Variants in EXT1 observed in about 807,000 individuals in gnomAD.
EXT1 encodes the protein exostosin glycosyltransferase 1.
In EXT1, 20 loss-of-function variants were observed where a neutral mutation model predicts 82.5. That is an observed-to-expected ratio of 0.24 (90% CI 0.17 to 0.35). EXT1 has a LOEUF of 0.35. Among genes scored for constraint, EXT1 ranks in the 10% least tolerant of loss-of-function variants. The pLI is 1.00. For missense variants in EXT1, 757 were observed against 936.5 expected, an observed-to-expected ratio of 0.81 and a Z score of 2.50; for synonymous variants, 348 against 350.8, an observed-to-expected ratio of 0.99 and a Z score of 0.09.
At chr8:117,945,483 T>C (rs1281827867) in intron 1 of EXT1, among the ~76,000 whole-genome samples, 1 of 152,156 alleles carries the variant, frequency 6.6e-6, no homozygotes, top group Non-Finnish European at 1.5e-5. Flanking sequence ...CCTCTTCCAG[T>C]TGAAGTGCTC....
intron 6 of EXT1, among the ~76,000 whole-genome samples, chr8:117,819,232 A>G (rs1406803099): frequency 6.6e-6 from 1 of 152,212 alleles, no homozygotes; most frequent in Non-Finnish European, 1.5e-5. Context: ...TCCCAATTTT[A>G]TAATTAGTCA....
chr8:117,898,668 G>A (rs1250067711), intron 1 of EXT1, among the ~76,000 whole-genome samples: 2 of 152,102 alleles, frequency 1.3e-5, no homozygotes, highest in Non-Finnish European at 2.9e-5. Flanking sequence ...GTCCTAAAAA[G>A]CACGTGACTG....
intron 1 of EXT1, among the ~76,000 whole-genome samples, chr8:117,847,243 T>C (rs1812377128): frequency 6.6e-6 from 1 of 152,210 alleles, no homozygotes; most frequent in South Asian, 2.1e-4. Context: ...ATGTCCACTT[T>C]AACAAACACA....
intron 1 of EXT1, among the ~76,000 whole-genome samples, chr8:117,961,433 C>T (rs1348857708): frequency 6.6e-6 from 1 of 152,150 alleles, no homozygotes; most frequent in African/African-American, 2.4e-5. Flanking sequence ...TGATCATTGG[C>T]TTGAATATGC....
At chr8:117,875,927 A>G (rs1443257235) in intron 1 of EXT1, among the ~76,000 whole-genome samples, 1 of 152,214 alleles carries the variant, frequency 6.6e-6, no homozygotes, top group Non-Finnish European at 1.5e-5. Flanking sequence ...GAAGAGGGCA[A>G]CTGGCTAGTG....
At chr8:117,995,236 A>G (rs1815512791) in intron 1 of EXT1, among the ~76,000 whole-genome samples, 1 of 152,184 alleles carries the variant, frequency 6.6e-6, no homozygotes, top group African/African-American at 2.4e-5. Flanking sequence ...CTAGCTCAGC[A>G]ACCCAGCAGG....
chr8:117,857,570 TG>T (rs1812587647), intron 1 of EXT1, among the ~76,000 whole-genome samples: 2 of 149,590 alleles, frequency 1.3e-5, no homozygotes, highest in African/African-American at 4.9e-5. Flanking sequence ...GATGGCAGCA[TG>T]CCCCTGTAGT....
rs191481687 is a variant in EXT1 at position 117,863,314 on chromosome 8, G to C, written c.963-26113C>G. Among the ~76,000 whole-genome samples, 90 of 150,660 alleles carry C rather than the reference G, an allele frequency of 6.0e-4. 14 individuals are homozygous for C. Among genetic ancestry groups the C allele is most frequent in the Non-Finnish European group, 1.2e-3 (78 of 67,592 alleles). On this transcript the variant is annotated intron_variant, in intron 1 of 10. Coordinates refer to ENST00000378204, the MANE Select transcript of EXT1 (RefSeq NM_000127.3). The stretch of plus-strand genomic sequence containing the variant: ...ACCCAGACTGGAACGGTAGTGGTCT[G>C]ATTCCAAAGTGCATGCTCTTCACTT...
chr8:118,055,546 T>C (rs923034911), intron 1 of EXT1, among the ~76,000 whole-genome samples: 3 of 152,212 alleles, frequency 2.0e-5, no homozygotes, highest in Admixed American at 1.3e-4. Context: ...TTTTCCAGTA[T>C]AAAGAAATGG....
Position 118,079,497 on chromosome 8 carries a change from T to C in EXT1, c.962+30588A>G, listed in dbSNP as rs149849495. ...CATTTCTAAACTTACCCGTAAGGTA[T>C]TGCAATCCTAAGGCCAGAGTGGCCA... On this transcript the variant is annotated intron_variant, in intron 1 of 10. Transcript: ENST00000378204. 6.7e-3 allele frequency among the ~76,000 whole-genome samples: 1,013 copies of C among 152,294 alleles called. 23 individuals carry two copies. The highest frequency in any genetic ancestry group is 0.023 in the African/African-American group (953 of 41,538).
chr8:117,958,773 A>G (rs961265353), intron 1 of EXT1, among the ~76,000 whole-genome samples: 1 of 152,234 alleles, frequency 6.6e-6, no homozygotes, highest in Non-Finnish European at 1.5e-5. Flanking sequence ...CTTTTCAACT[A>G]GCCTAAGCAA....
intron 8 of EXT1, among the ~76,000 whole-genome samples, chr8:117,807,980 C>T (rs770633706): frequency 2.0e-5 from 3 of 152,120 alleles, no homozygotes; most frequent in Non-Finnish European, 2.9e-5. Flanking sequence ...TAGAAGAAAG[C>T]ATCAACAGTG....
chr8:117,864,392 G>GAAGA (rs1343395407), intron 1 of EXT1, among the ~76,000 whole-genome samples: 1 of 152,114 alleles, frequency 6.6e-6, no homozygotes, highest in Admixed American at 6.5e-5. Flanking sequence ...GGCCAGGATG[G>GAAGA]AAGAAGAATT....
intron 10 of EXT1, among the ~76,000 whole-genome samples, chr8:117,801,339 GA>G (rs35146580): frequency 0.17 from 25,265 of 152,110 alleles, 2,271 homozygotes; most frequent in East Asian, 0.29. Flanking sequence ...CAAGGCTAGA[GA>G]GGGGCAGAAC....
Position 117,858,766 on chromosome 8 carries a change from A to AGGCAGGCAGGC in EXT1, c.963-21566_963-21565insGCCTGCCTGCC, listed in dbSNP as rs1554581731. ...GAAGGAAGGAAGGAAGGAAGGAAGG[A>AGGCAGGCAGGC]AGGCAGGCAGGCAGGCAGGCAGGCA... On this transcript the variant is annotated intron_variant, in intron 1 of 10. Coordinates refer to ENST00000378204, the MANE Select transcript of EXT1 (RefSeq NM_000127.3). Among the ~76,000 whole-genome samples, 216 of 54,590 alleles carry AGGCAGGCAGGC rather than the reference A, an allele frequency of 4.0e-3. 1 individual carries two copies. The highest frequency in any genetic ancestry group is 5.3e-3 in the South Asian group (7 of 1,312). 35.8% of individuals were successfully genotyped at this position (54,590 alleles called of 152,430 possible).
chr8:118,057,786 C>G lies in EXT1; in HGVS notation c.962+52299G>C, dbSNP rs914266111. 1.6e-4 allele frequency among the ~76,000 whole-genome samples: 24 copies of G among 151,794 alleles called. 1 individual carries two copies. The highest frequency in any genetic ancestry group is 1.5e-5 in the Non-Finnish European group (1 of 67,964). ...GTCAGAAGATCGAGACCATCATGGCCAACATGGTGAAACCCCATCTCTACT... is the reference window on the plus strand; with the variant it reads ...GTCAGAAGATCGAGACCATCATGGCGAACATGGTGAAACCCCATCTCTACT... On this transcript the variant is annotated intron_variant, in intron 1 of 10. Coordinates refer to ENST00000378204, the MANE Select transcript of EXT1 (RefSeq NM_000127.3).
chr8:118,006,267 G>A (rs1334051013), intron 1 of EXT1, among the ~76,000 whole-genome samples: 1 of 152,118 alleles, frequency 6.6e-6, no homozygotes, highest in Non-Finnish European at 1.5e-5. Flanking sequence ...ATCAACAATG[G>A]GGGTCCCTCC....
intron 5 of EXT1, among the ~76,000 whole-genome samples, chr8:117,822,036 C>T (rs1436830161): frequency 6.6e-6 from 1 of 152,072 alleles, no homozygotes; most frequent in East Asian, 1.9e-4. Flanking sequence ...GTGCTTGTCA[C>T]ACATTCTTAG....
At chr8:118,021,943 A>G (rs951662981) in intron 1 of EXT1, among the ~76,000 whole-genome samples, 2 of 152,314 alleles carry the variant, frequency 1.3e-5, no homozygotes, top group Admixed American at 1.3e-4. Context: ...ACTATATCCT[A>G]CATGACTCCC....
Sources: allele counts gnomAD v4.1 joint callset (sites outside exome capture counted in the v4.1 genomes callset), GRCh38; gene constraint gnomAD v4.1.1; transcripts MANE v1.5; gene names NCBI Gene and HGNC (gene_info 2026-07-23, HGNC 2026-07-21).